Variants in CALN1 observed in about 807,000 individuals in gnomAD.
CALN1 encodes calneuron 1.
CALN1 carries 17 observed loss-of-function variants against 30.6 expected under a neutral mutation model. The observed-to-expected ratio is 0.56, with a 90% CI of 0.38 to 0.83. The LOEUF (loss-of-function observed/expected upper bound fraction) is 0.83. Among genes scored for constraint, CALN1 ranks in the 40% least tolerant of loss-of-function variants. The pLI is 0.00. For synonymous variants in CALN1, 156 were observed against 131.4 expected, an observed-to-expected ratio of 1.19 and a Z score of -1.28; for missense variants, 291 against 354.9, an observed-to-expected ratio of 0.82 and a Z score of 1.45.
Position 71,783,709 on chromosome 7 carries a change from C to T in CALN1, c.*4066G>A, listed in dbSNP as rs1006158304. The T allele has an allele frequency of 5.9e-5, 9 of 152,766 alleles. No individual in the cohort carries two copies. Among genetic ancestry groups the T allele is most frequent in the African/African-American group, 1.7e-4 (7 of 41,574 alleles). The allele number at this position is 152,766 out of a possible 1,614,324, so 9.5% of individuals were successfully genotyped here. On this transcript the variant is annotated 3_prime_UTR_variant, in exon 7 of 7. Transcript: ENST00000395275. Reference sequence around the variant, plus strand: ...TTATGACCTGAGTCTGGACTTAAACCGAGTACGAGGCATTTGGAATAAAAG... The same window carrying T: ...TTATGACCTGAGTCTGGACTTAAACTGAGTACGAGGCATTTGGAATAAAAG...
chr7:72,151,050 C>G (rs770807245), intron 3 of CALN1, among the ~76,000 whole-genome samples: 5 of 152,152 alleles, frequency 3.3e-5, no homozygotes, highest in Non-Finnish European at 5.9e-5. Flanking sequence ...TGGTTAGATT[C>G]TCACAAGCTC....
chr7:71,897,972 C>CAAAAA (rs1207497270), intron 5 of CALN1, among the ~76,000 whole-genome samples: 20 of 59,034 alleles, frequency 3.4e-4, no homozygotes, highest in East Asian at 1.8e-3. Context: ...AAACAAAAAA[C>CAAAAA]AAAAAAAAAA....
intron 5 of CALN1, among the ~76,000 whole-genome samples, chr7:71,923,389 A>G (rs1375145034): frequency 6.6e-6 from 1 of 152,198 alleles, no homozygotes; most frequent in Non-Finnish European, 1.5e-5. Flanking sequence ...GGAAGAATGC[A>G]TTTTATTTGG....
rs372785611 is a variant in CALN1 at position 72,362,310 on chromosome 7, T to C, written c.119+40941A>G. ...ACATGGCCACCTCCCAGTGAAGATA[T>C]AGAAGATTTCCACCATGTACAGTCG... On this transcript the variant is annotated intron_variant, in intron 2 of 6. Transcript: ENST00000395275. 2.4e-4 allele frequency among the ~76,000 whole-genome samples: 36 copies of C among 152,294 alleles called. 1 individual carries two copies. In the East Asian group the frequency reaches 6.0e-3, roughly 25 times the overall value.
At chr7:72,304,167 TAAAG>T (rs944276746) in intron 2 of CALN1, among the ~76,000 whole-genome samples, 10 of 152,178 alleles carry the variant, frequency 6.6e-5, no homozygotes, top group African/African-American at 2.4e-4. Flanking sequence ...TTCAAGTTAA[TAAAG>T]AAAGACTTAA....
chr7:72,037,925 C>T (rs1407128563), intron 4 of CALN1, among the ~76,000 whole-genome samples: 1 of 152,168 alleles, frequency 6.6e-6, no homozygotes, highest in Admixed American at 6.5e-5. Flanking sequence ...TGTCTGGCTC[C>T]CCACAGGGGG....
chr7:72,361,954 A>T (rs1803598765), intron 2 of CALN1, among the ~76,000 whole-genome samples: 1 of 152,180 alleles, frequency 6.6e-6, no homozygotes, highest in African/African-American at 2.4e-5. Flanking sequence ...TTTTTTTCTT[A>T]CGCAGTTTTA....
At chr7:72,088,776 A>AAAAGGAAGG in intron 4 of CALN1, among the ~76,000 whole-genome samples, 1 of 52,694 alleles carries the variant, frequency 1.9e-5, no homozygotes, top group East Asian at 3.9e-3. Flanking sequence ...GAGAAGTAAG[A>AAAAGGAAGG]GAAGGAAGGG....
chr7:71,830,765 C>T (rs1278423020), intron 5 of CALN1, among the ~76,000 whole-genome samples: 1 of 152,176 alleles, frequency 6.6e-6, no homozygotes, highest in African/African-American at 2.4e-5. Context: ...TTCTCTGTTC[C>T]TTAGCTTCCC....
intron 4 of CALN1, among the ~76,000 whole-genome samples, chr7:72,063,405 A>AG (rs1391061842): frequency 6.6e-6 from 1 of 152,210 alleles, no homozygotes; most frequent in Non-Finnish European, 1.5e-5. Context: ...CTCTCTTAAA[A>AG]GGGGACAGCC....
chr7:72,207,190 C>T (rs1485663615), intron 3 of CALN1, among the ~76,000 whole-genome samples: 3 of 152,228 alleles, frequency 2.0e-5, no homozygotes, highest in Non-Finnish European at 4.4e-5. Context: ...CATCCTCCCA[C>T]TCTCTCCCCG....
intron 4 of CALN1, among the ~76,000 whole-genome samples, chr7:72,062,552 A>G (rs1268218194): frequency 7.3e-5 from 11 of 151,616 alleles, no homozygotes; most frequent in Non-Finnish European, 1.5e-4. Context: ...AATAAATAAA[A>G]TGATACCAGA....
intron 4 of CALN1, among the ~76,000 whole-genome samples, chr7:72,065,083 T>C (rs1274430587): frequency 6.7e-6 from 1 of 148,220 alleles, no homozygotes; most frequent in East Asian, 1.9e-4. Context: ...TATTTATATG[T>C]TAATATTAAT....
chr7:71,851,764 T>C (rs570737206), intron 5 of CALN1, among the ~76,000 whole-genome samples: 2 of 151,950 alleles, frequency 1.3e-5, no homozygotes, highest in East Asian at 3.9e-4. Context: ...CTACCCTAAA[T>C]GGAGAAATAT....
chr7:72,144,558 G>A (rs1322578067), intron 3 of CALN1, among the ~76,000 whole-genome samples: 2 of 152,144 alleles, frequency 1.3e-5, no homozygotes, highest in African/African-American at 4.8e-5. Flanking sequence ...ACATCAGACA[G>A]ATCAACAAGA....
intron 5 of CALN1, among the ~76,000 whole-genome samples, chr7:71,941,150 C>T (rs547167481): frequency 5.5e-4 from 83 of 151,974 alleles, no homozygotes; most frequent in Admixed American, 1.4e-3. Context: ...AGCTCAAAAC[C>T]AGCCTGGCCA....
chr7:71,788,150 G>A (rs567395532), intron 6 of CALN1, among the ~76,000 whole-genome samples: 12 of 152,194 alleles, frequency 7.9e-5, no homozygotes, highest in Non-Finnish European at 1.3e-4. Flanking sequence ...AATCATGATG[G>A]ATGTGATGAT....
chr7:72,219,705 C>CAT (rs1192308448), intron 3 of CALN1, among the ~76,000 whole-genome samples: 53 of 151,730 alleles, frequency 3.5e-4, no homozygotes, highest in African/African-American at 1.2e-3. Flanking sequence ...GCAATGCACA[C>CAT]ACACGCACGT....
At chr7:72,061,534 CAG>C (rs1391376416) in intron 4 of CALN1, among the ~76,000 whole-genome samples, 1 of 147,276 alleles carries the variant, frequency 6.8e-6, no homozygotes, top group Non-Finnish European at 1.5e-5. Flanking sequence ...AAAAAAAAAA[CAG>C]TAACAGCAAA....
Sources: gnomAD v4.1 joint callset for allele counts (sites outside exome capture counted in the v4.1 genomes callset) on GRCh38, gnomAD v4.1.1 for gene constraint, MANE v1.5 for transcripts, NCBI Gene and HGNC (gene_info 2026-07-23, HGNC 2026-07-21) for gene names.